IL16: variants seen among roughly 807,000 people sequenced by gnomAD.
The protein encoded by IL16 is pro-interleukin-16.
IL16 carries 67 observed loss-of-function variants against 110.1 expected under a neutral mutation model. That is an observed-to-expected ratio of 0.61 (90% CI 0.50 to 0.75). The LOEUF is 0.75. IL16 is among the 30% of genes least tolerant of loss of function. The pLI is 0.00. For synonymous variants in IL16, 689 were observed against 662.9 expected, an observed-to-expected ratio of 1.04 and a Z score of -0.61; for missense variants, 1,545 against 1,655.0, an observed-to-expected ratio of 0.93 and a Z score of 1.15.
intron 1 of IL16, among the ~76,000 whole-genome samples, chr15:81,218,660 C>A (rs1028624403): frequency 9.9e-5 from 15 of 152,198 alleles, no homozygotes; most frequent in African/African-American, 3.4e-4. Flanking sequence ...CCCCCAGCAC[C>A]TTGCTGTACC....
chr15:81,300,318 G>A lies in IL16; in HGVS notation c.2992G>A (p.Val998Ile). ...TATCAGCAGCCAAGTGTCATCGGCT[G>A]TCATGAAATCCTTGCTGTGCCTTCC... ...YSISSQVSSA[V>I]MKSLLCLPSS... Residue 998 changes from valine (V) to isoleucine (I), a missense_variant, in exon 14 of 19, where the codon GTC becomes ATC. Physicochemically the swap from Val to Ile is conservative, Grantham distance 29 (BLOSUM62 3). Transcript: ENST00000683961. 3.7e-6 allele frequency: 6 copies of A among 1,614,238 alleles called. No homozygotes were observed. Among genetic ancestry groups the A allele is most frequent in the Non-Finnish European group, 5.1e-6 (6 of 1,180,042 alleles).
chr15:81,301,287 C>T (rs1212649207), intron 14 of IL16, 57 bp from the exon 15 acceptor site: 48 of 1,480,846 alleles, frequency 3.2e-5, no homozygotes, highest in Non-Finnish European at 4.2e-5. Context: ...TATACAATCA[C>T]TGTTACCTCT....
rs1470118956 is a variant in IL16, at chr15:81,313,495, A to G, written c.*4697A>G. On this transcript the variant is annotated 3_prime_UTR_variant, in exon 19 of 19. Coordinates refer to ENST00000683961, the MANE Select transcript of IL16 (RefSeq NM_172217.5). ...GGTGAGCAGAGCCCAGCCCAGTGGA[A>G]ATGGCCATGATACAGTGATCGCGTC... is the stretch of plus-strand genomic sequence containing the variant. The G allele has an allele frequency of 1.6e-6, 2 of 1,256,994 alleles. No individual in the cohort carries two copies. The highest frequency in any genetic ancestry group is 2.1e-6 in the Non-Finnish European group (2 of 942,030). The allele number at this position is 1,256,994 out of a possible 1,614,324, so 77.9% of individuals were successfully genotyped here.
chr15:81,249,664 T>A (rs998294926), intron 2 of IL16, among the ~76,000 whole-genome samples: 2 of 152,216 alleles, frequency 1.3e-5, no homozygotes, highest in African/African-American at 4.8e-5. Context: ...ACTATCTAGA[T>A]ATGCTTTTTT....
At chr15:81,230,943 G>A (rs79498265) in intron 2 of IL16, among the ~76,000 whole-genome samples, 2,172 of 152,136 alleles carry the variant, frequency 0.014, 58 homozygotes, top group African/African-American at 0.05. Context: ...AGGTGAAAAT[G>A]CAGAGGGAGA....
intron 1 of IL16, among the ~76,000 whole-genome samples, chr15:81,184,719 G>T (rs183506268): frequency 6.6e-6 from 1 of 152,196 alleles, no homozygotes; most frequent in Non-Finnish European, 1.5e-5. Context: ...TAGAAGATTG[G>T]GCATTCACAT....
chr15:81,235,349 G>A (rs1156252389), intron 2 of IL16, among the ~76,000 whole-genome samples: 1 of 152,118 alleles, frequency 6.6e-6, no homozygotes, highest in Non-Finnish European at 1.5e-5. Flanking sequence ...TACTCATGAT[G>A]GAAGATGAAG....
At chr15:81,308,082 G>A (rs185889689) in intron 18 of IL16, among the ~76,000 whole-genome samples, 1 of 152,250 alleles carries the variant, frequency 6.6e-6, no homozygotes. Flanking sequence ...GAAATAGTGG[G>A]GGCCATATAT....
chr15:81,265,540 G>C lies in IL16; in HGVS notation c.422-119G>C, dbSNP rs1363763587. The C allele has an allele frequency of 2.7e-6, 3 of 1,096,744 alleles. No homozygotes were observed. In the African/African-American group the frequency reaches 4.7e-5, roughly 17 times the overall value. The allele number at this position is 1,096,744 out of a possible 1,614,324, so 67.9% of individuals were successfully genotyped here. On this transcript the variant is annotated intron_variant, in intron 3 of 18. Coordinates refer to ENST00000683961, the MANE Select transcript of IL16 (RefSeq NM_172217.5). Reference sequence around the variant, plus strand: ...CCCCACCACGCACCTGGCACAGGGTGTTAAGTGGTTTACAGTCACACTGGC... The same window carrying C: ...CCCCACCACGCACCTGGCACAGGGTCTTAAGTGGTTTACAGTCACACTGGC...
At chr15:81,183,269 C>T (rs1453550618) in intron 1 of IL16, among the ~76,000 whole-genome samples, 1 of 152,172 alleles carries the variant, frequency 6.6e-6, no homozygotes, top group African/African-American at 2.4e-5. Flanking sequence ...GTGTCTAAAA[C>T]GCTAGCTGTC....
At chr15:81,239,483 G>A (rs1897277968) in intron 2 of IL16, among the ~76,000 whole-genome samples, 2 of 152,142 alleles carry the variant, frequency 1.3e-5, no homozygotes, top group African/African-American at 4.8e-5. Flanking sequence ...TAGGTTTGGG[G>A]ACAGAAAAAA....
At position 81,207,250 on chromosome 15, in the gene IL16, A is replaced by C. The variant is rs538149015; in HGVS notation, c.-102+10098A>C. Among the ~76,000 whole-genome samples the C allele has an allele frequency of 4.3e-3, 472 of 110,428 alleles. 4 individuals are homozygous for C. Among genetic ancestry groups the C allele is most frequent in the Middle Eastern group, 0.015 (4 of 264 alleles). The allele number at this position is 110,428 out of a possible 152,430, so 72.4% of individuals were successfully genotyped here. A position where few individuals can be genotyped will look rare whatever the true frequency, so the allele number is the denominator to read the frequency against. On this transcript the variant is annotated intron_variant, in intron 1 of 18. Transcript: ENST00000683961. ...CAGACTCTGTCTCAAAAAAAACAAA[A>C]AAAAAAAAAAACAAAAAAAAGAAAA...
At chr15:81,239,164 C>G (rs971718302) in intron 2 of IL16, among the ~76,000 whole-genome samples, 2 of 151,934 alleles carry the variant, frequency 1.3e-5, no homozygotes, top group African/African-American at 4.8e-5. Context: ...ATTCTCAGTT[C>G]TTGACATTAT....
intron 10 of IL16, among the ~76,000 whole-genome samples, chr15:81,287,723 C>A (rs1899513522): frequency 6.6e-6 from 1 of 152,146 alleles, no homozygotes; most frequent in Non-Finnish European, 1.5e-5. Context: ...TCCCAAACTC[C>A]CAGTGACACT....
At chr15:81,219,655 C>G (rs904347583) in intron 1 of IL16, among the ~76,000 whole-genome samples, 1 of 152,174 alleles carries the variant, frequency 6.6e-6, no homozygotes, top group Non-Finnish European at 1.5e-5. Context: ...TGAGGAGCAG[C>G]ATTGAGAATC....
intron 3 of IL16, among the ~76,000 whole-genome samples, chr15:81,261,226 AAAGGTAGAAG>A (rs1260201364): frequency 2.0e-5 from 3 of 152,248 alleles, no homozygotes; most frequent in Admixed American, 2.0e-4. Context: ...ATAATTTCAA[AAAGGTAGAAG>A]AAAATCTTTG....
chr15:81,281,416 AT>A (rs1009567608), intron 8 of IL16, among the ~76,000 whole-genome samples: 3 of 152,150 alleles, frequency 2.0e-5, no homozygotes, highest in African/African-American at 7.2e-5. Context: ...GGGGGATCCC[AT>A]CCAGCCCCAC....
chr15:81,209,741 C>G (rs567848293), intron 1 of IL16, among the ~76,000 whole-genome samples: 2 of 152,290 alleles, frequency 1.3e-5, no homozygotes, highest in South Asian at 4.1e-4. Flanking sequence ...CGGGGACACT[C>G]TAGTCCATGT....
At chr15:81,286,113 G>C (rs1422369616) in intron 10 of IL16, among the ~76,000 whole-genome samples, 1 of 152,204 alleles carries the variant, frequency 6.6e-6, no homozygotes, top group African/African-American at 2.4e-5. Context: ...AGTAGACCAA[G>C]AAATTTATTC....
Sources: gnomAD v4.1 joint callset for allele counts (sites outside exome capture counted in the v4.1 genomes callset) on GRCh38, gnomAD v4.1.1 for gene constraint, MANE v1.5 for transcripts, NCBI Gene and HGNC (gene_info 2026-07-23, HGNC 2026-07-21) for gene names.